The following COL4A2 variants were observed in gnomAD, a reference collection of about 807,000 sequenced individuals.
COL4A2 encodes collagen alpha-2(IV) chain.
In COL4A2, 99 loss-of-function variants were observed where a neutral mutation model predicts 200.2. The observed-to-expected ratio is 0.49, with a 90% CI of 0.42 to 0.58. The LOEUF (loss-of-function observed/expected upper bound fraction) is 0.58. COL4A2 is among the 20% of genes least tolerant of loss of function. The pLI is 0.00. For missense variants in COL4A2, 1,950 were observed against 2,314.1 expected (o/e 0.84, Z 3.23); for synonymous variants, 897 against 900.6 (o/e 1.00, Z 0.07).
At chr13:110,378,077 T>C (rs1371928206) in intron 4 of COL4A2, among the ~76,000 whole-genome samples, 1 of 152,208 alleles carries the variant, frequency 6.6e-6, no homozygotes, top group East Asian at 1.9e-4. Flanking sequence ...GCAAAAGGAA[T>C]AGCCCAGGCG....
rs183608114 is a variant in COL4A2 at position 110,364,558 on chromosome 13, G to T, written c.180+7006G>T. Among the ~76,000 whole-genome samples, 7 of 152,260 alleles carry T rather than the reference G, an allele frequency of 4.6e-5. No homozygotes were observed. The East Asian group carries it at 1.3e-3, about 29-fold the overall frequency. ...ATTAAAAGTCCCACTTCAAGAGAATGGTTAAATCTCGCTGGAAAGAAAGAG... is the reference window on the plus strand; with the variant it reads ...ATTAAAAGTCCCACTTCAAGAGAATTGTTAAATCTCGCTGGAAAGAAAGAG... On this transcript the variant is annotated intron_variant, in intron 4 of 47. Transcript: ENST00000360467.
chr13:110,310,068 T>TA (rs1884931076), intron 3 of COL4A2, among the ~76,000 whole-genome samples: 1 of 152,220 alleles, frequency 6.6e-6, no homozygotes, highest in African/African-American at 2.4e-5. Context: ...AGAGCCCCAG[T>TA]TTCCGTACTC....
intron 40 of COL4A2, among the ~76,000 whole-genome samples, chr13:110,496,590 AGAGTTG>A (rs1566567464): frequency 2.6e-4 from 39 of 147,816 alleles, no homozygotes; most frequent in South Asian, 1.8e-3. Context: ...AGCCTCAGTC[AGAGTTG>A]AGGATCTAGG....
At chr13:110,384,678 G>A (rs993498475) in intron 4 of COL4A2, among the ~76,000 whole-genome samples, 3 of 152,164 alleles carry the variant, frequency 2.0e-5, no homozygotes, top group South Asian at 2.1e-4. Context: ...TCTGGGGGAC[G>A]CTGGTCCCAA....
At chr13:110,317,692 C>G (rs891842780) in intron 3 of COL4A2, among the ~76,000 whole-genome samples, 5 of 152,154 alleles carry the variant, frequency 3.3e-5, no homozygotes, top group African/African-American at 1.2e-4. Flanking sequence ...CAGACACAAC[C>G]CCCAACCGGC....
At chr13:110,469,461 C>A in intron 28 of COL4A2, 137 bp downstream of exon 28, 2 of 903,340 alleles carry the variant, frequency 2.2e-6, no homozygotes, top group Non-Finnish European at 3.3e-6. Flanking sequence ...TGCATTTGTC[C>A]TTGGGAGATT....
At chr13:110,325,370 A>C (rs577488213) in intron 3 of COL4A2, among the ~76,000 whole-genome samples, 4 of 152,326 alleles carry the variant, frequency 2.6e-5, no homozygotes, top group African/African-American at 9.6e-5. Flanking sequence ...CTGGAGTGAT[A>C]CTTGATTCTC....
intron 10 of COL4A2, among the ~76,000 whole-genome samples, chr13:110,432,001 C>T (rs1006982142): frequency 2.6e-5 from 4 of 152,142 alleles, no homozygotes; most frequent in Non-Finnish European, 4.4e-5. Flanking sequence ...GGGAAGCTGT[C>T]GCTGCAGTCA....
rs549195394 is a variant in COL4A2 at position 110,416,808 on chromosome 13, CT to C, written c.181-7924del. Among the ~76,000 whole-genome samples, 34 of 152,330 alleles carry C rather than the reference CT, an allele frequency of 2.2e-4. No individual in the cohort carries two copies. The South Asian group carries it at 6.2e-3, about 28-fold the overall frequency. On this transcript the variant is annotated intron_variant, in intron 4 of 47. Transcript: ENST00000360467. ...TGACAGAAACCAGTGGCTTCCCAGA[CT>C]TCGCCTTCACTCCTGAATCTAATTC...
At chr13:110,391,508 A>T (rs757390421) in intron 4 of COL4A2, among the ~76,000 whole-genome samples, 2 of 152,236 alleles carry the variant, frequency 1.3e-5, no homozygotes, top group African/African-American at 4.8e-5. Context: ...ATAACAATGC[A>T]TTCTTTGTCT....
chr13:110,473,194 C>G, intron 29 of COL4A2, 44 bp downstream of exon 29: 1 of 1,533,078 alleles, frequency 6.5e-7, no homozygotes, highest in Non-Finnish European at 8.8e-7. Flanking sequence ...CCCAGATGCA[C>G]AGTGGCCTCC....
rs116714390 is a variant in COL4A2, at chr13:110,430,729, G to A, written c.648+122G>A. Reference sequence around the variant, plus strand: ...AAGAACAACTATGATGCTTATAGGCGTAGCAGAGAACATCAAGACAAAACG... The same window carrying A: ...AAGAACAACTATGATGCTTATAGGCATAGCAGAGAACATCAAGACAAAACG... On this transcript the variant is annotated intron_variant, in intron 10 of 47. Transcript: ENST00000360467. The A allele has an allele frequency of 7.6e-4, 1,004 of 1,325,464 alleles. 2 individuals are homozygous for A. In the African/African-American group the frequency reaches 0.013, roughly 17 times the overall value. The allele number at this position is 1,325,464 out of a possible 1,614,324, so 82.1% of individuals were successfully genotyped here.
At chr13:110,484,856 T>A in intron 32 of COL4A2, 49 bp from the exon 33 acceptor site, 1 of 1,549,392 alleles carries the variant, frequency 6.5e-7, no homozygotes, top group South Asian at 1.2e-5. Flanking sequence ...TGTGTTCTCC[T>A]GCGTGGTCTG....
At chr13:110,315,822 C>T (rs1167411218) in intron 3 of COL4A2, among the ~76,000 whole-genome samples, 1 of 152,182 alleles carries the variant, frequency 6.6e-6, no homozygotes, top group Non-Finnish European at 1.5e-5. Context: ...CTGCCCGAGG[C>T]CTGAAATACA....
chr13:110,396,417 A>T (rs1284218424), intron 4 of COL4A2, among the ~76,000 whole-genome samples: 1 of 152,256 alleles, frequency 6.6e-6, no homozygotes, highest in Admixed American at 6.5e-5. Context: ...GAGCGTGCAC[A>T]GTCTAACTCC....
At chr13:110,473,186 C>T in intron 29 of COL4A2, 36 bp downstream of exon 29, 1 of 1,542,806 alleles carries the variant, frequency 6.5e-7, no homozygotes, top group Non-Finnish European at 8.8e-7. Flanking sequence ...GGCCCCATCC[C>T]AGATGCACAG....
At chr13:110,436,579 A>G (rs1435458080) in intron 13 of COL4A2, among the ~76,000 whole-genome samples, 2 of 151,514 alleles carry the variant, frequency 1.3e-5, no homozygotes, top group African/African-American at 4.9e-5. Flanking sequence ...TCGTCAGTCC[A>G]TCATCTCAAT....
intron 36 of COL4A2, among the ~76,000 whole-genome samples, chr13:110,490,340 A>G (rs1883247996): frequency 6.6e-6 from 1 of 152,186 alleles, no homozygotes; most frequent in African/African-American, 2.4e-5. Flanking sequence ...GGACTGTGAT[A>G]GTTTTCTTCT....
chr13:110,432,595 C>A (rs1476719754), intron 11 of COL4A2, among the ~76,000 whole-genome samples: 1 of 152,192 alleles, frequency 6.6e-6, no homozygotes, highest in East Asian at 1.9e-4. Flanking sequence ...AAATTAATTA[C>A]CACATGCCTG....
Sources: allele counts gnomAD v4.1 joint callset (sites outside exome capture counted in the v4.1 genomes callset), GRCh38; gene constraint gnomAD v4.1.1; transcripts MANE v1.5; gene names NCBI Gene and HGNC (gene_info 2026-07-23, HGNC 2026-07-21).